Variants in RASGRP4 observed in about 807,000 individuals in gnomAD.
RASGRP4 encodes RAS guanyl-releasing protein 4.
Under a neutral mutation model 84.4 loss-of-function variants are expected in RASGRP4, and 52 were observed. The observed-to-expected ratio is 0.62, with a 90% CI of 0.49 to 0.78. RASGRP4 has a LOEUF of 0.78. Ranked by LOEUF, RASGRP4 falls within the 30% of genes least tolerant of loss-of-function variation. The pLI is 0.00. For missense variants in RASGRP4, 760 were observed against 886.9 expected (o/e 0.86, Z 1.82); for synonymous variants, 356 against 359.1 (o/e 0.99, Z 0.10).
chr19:38,423,453 G>A (rs113612948), intron 1 of RASGRP4, among the ~76,000 whole-genome samples: 1,573 of 152,148 alleles, frequency 0.01, 26 homozygotes, highest in African/African-American at 0.035. Flanking sequence ...TTGAACCCAG[G>A]AGGTGGAGGC....
chr19:38,411,161 G>T lies in RASGRP4; in HGVS notation c.1806C>A (p.Pro602=), dbSNP rs908122695. ...GTGTGGATGGGACAGGAGCTCCGGG[G>T]GGTCCTGCATCGCCCTTGGCCCCTG... The part of the protein sequence containing the change: ...KRPGAKGDAG[P]PGAPVPSTPA... The change falls in exon 15 of 17, where the codon CCC becomes CCA. Residue 602 remains proline, a synonymous_variant. Coordinates refer to ENST00000615439, the MANE Select transcript of RASGRP4 (RefSeq NM_170604.3). 5.0e-6 allele frequency: 8 copies of T among 1,613,802 alleles called. No homozygotes were observed. Among genetic ancestry groups the T allele is most frequent in the Non-Finnish European group, 6.8e-6 (8 of 1,179,898 alleles).
At chr19:38,420,381 G>A (rs1408847911) in intron 4 of RASGRP4, 119 bp from the exon 5 acceptor site, 7 of 1,134,366 alleles carry the variant, frequency 6.2e-6, no homozygotes, top group Non-Finnish European at 8.5e-6. Context: ...TGTGTGTGGG[G>A]GTCCCTGGAG....
At chr19:38,410,472 G>A (rs1568405446) in intron 16 of RASGRP4, among the ~76,000 whole-genome samples, 2 of 150,296 alleles carry the variant, frequency 1.3e-5, no homozygotes, top group Non-Finnish European at 2.9e-5. Flanking sequence ...GTGTGCAGTG[G>A]CACAATCTCA....
chr19:38,414,398 C>T (rs1971407177), intron 9 of RASGRP4, among the ~76,000 whole-genome samples: 1 of 151,554 alleles, frequency 6.6e-6, no homozygotes, highest in South Asian at 2.1e-4. Flanking sequence ...GCAATCTCAG[C>T]TCACTGCAAC....
Position 38,418,462 on chromosome 19 carries a change from C to T in RASGRP4, c.766G>A (p.Val256Met), listed in dbSNP as rs1193978893. The T allele has an allele frequency of 6.3e-7, 1 of 1,597,260 alleles. No homozygotes were observed. The highest frequency in any genetic ancestry group is 2.3e-5 in the East Asian group (1 of 44,154). ...LSNSVSRWVQ[V>M]MVLSRPGPLQ... ...GGCCCGGGACGGCTCAGCACCATCA[C>T]CTGCACCCAGCGGGACACGCTGTTG... Residue 256 changes from valine (V) to methionine (M), a missense_variant, in exon 7 of 17, where the codon GTG becomes ATG. Transcript: ENST00000615439. This position sits in a 1 kb window ranked among gnomAD's most constrained non-coding sequence, Gnocchi z 4.6.
chr19:38,421,333 A>G, intron 2 of RASGRP4, 133 bp from the exon 3 acceptor site: 1 of 660,166 alleles, frequency 1.5e-6, no homozygotes, highest in Admixed American at 2.4e-5. Flanking sequence ...TTGGACAGGC[A>G]ACCTAACCTC....
rs377309714 is a variant in RASGRP4, at chr19:38,420,281, T to C, written c.378-19A>G. Reference sequence around the variant, plus strand: ...CCAGTACCTGAGAGTGGTTTGGAGATGGTGAGATGAGGCCGGGGGTGGCGA... The same window carrying C: ...CCAGTACCTGAGAGTGGTTTGGAGACGGTGAGATGAGGCCGGGGGTGGCGA... On this transcript the variant is annotated intron_variant, in intron 4 of 16. Transcript: ENST00000615439. 30 of 1,610,936 alleles carry C rather than the reference T, an allele frequency of 1.9e-5. No individual in the cohort carries two copies. In the African/African-American group the frequency reaches 3.6e-4, roughly 19 times the overall value.
At position 38,413,293 on chromosome 19, in the gene RASGRP4, G is replaced by A. The variant is rs779226326; in HGVS notation, c.1316C>T (p.Pro439Leu). The A allele has an allele frequency of 6.2e-7, 1 of 1,613,482 alleles. No homozygotes were observed. The highest frequency in any genetic ancestry group is 8.5e-7 in the Non-Finnish European group (1 of 1,179,590). ...REPRCPKSLP[P>L]SPFNAPLVVE... is the part of the protein sequence containing the mutation. ...CACCAGAGGTGCATTGAAGGGGGAG[G>A]GTGGCTGGGGCGGGGACAGAGGAGC... The change falls in exon 11 of 17, where the codon CCC (proline) becomes CTC (leucine). Residue 439 changes from proline to leucine, a missense_variant. Transcript: ENST00000615439. This position sits in a 1 kb window ranked among gnomAD's most constrained non-coding sequence, Gnocchi z 4.7.
intron 1 of RASGRP4, among the ~76,000 whole-genome samples, chr19:38,425,710 C>T (rs868097200): frequency 6.6e-6 from 1 of 152,198 alleles, no homozygotes; most frequent in South Asian, 2.1e-4. Context: ...CCACACTCCC[C>T]TCTCCTGGGC....
chr19:38,421,552 A>G (rs562803776), intron 2 of RASGRP4, among the ~76,000 whole-genome samples: 10 of 151,984 alleles, frequency 6.6e-5, no homozygotes, highest in Non-Finnish European at 1.3e-4. Flanking sequence ...TTTCTACTAA[A>G]AACACAAAAA....
At chr19:38,424,483 A>G (rs1435108461) in intron 1 of RASGRP4, among the ~76,000 whole-genome samples, 1 of 151,952 alleles carries the variant, frequency 6.6e-6, no homozygotes. Flanking sequence ...ACAGTTGTGC[A>G]ATCAAAGCTC....
intron 1 of RASGRP4, among the ~76,000 whole-genome samples, chr19:38,425,009 C>T (rs1167991830): frequency 1.3e-5 from 2 of 151,940 alleles, no homozygotes; most frequent in Non-Finnish European, 2.9e-5. Flanking sequence ...CATGGTGAAA[C>T]CCCATCTCTA....
At chr19:38,420,870 CG>C (rs1568414312) in intron 4 of RASGRP4, 37 bp downstream of exon 4, 1 of 1,593,054 alleles carries the variant, frequency 6.3e-7, no homozygotes. Context: ...GGATGGAAGT[CG>C]TGGGTCCTGA....
chr19:38,410,463 T>G (rs376867350), intron 16 of RASGRP4, among the ~76,000 whole-genome samples: 2 of 150,824 alleles, frequency 1.3e-5, no homozygotes, highest in Admixed American at 1.3e-4. Context: ...CCTAGGCTGG[T>G]GTGCAGTGGC....
rs748550730 is a variant in RASGRP4, at chr19:38,421,051, C to G, written c.314+44G>C. On this transcript the variant is annotated intron_variant, in intron 3 of 16. Coordinates refer to ENST00000615439, the MANE Select transcript of RASGRP4 (RefSeq NM_170604.3). ...TCCCATTGCCCAGGTTCTCACGACT[C>G]TGCCCTCTGCCCTCCACCCATAGCT... 4.4e-6 allele frequency: 7 copies of G among 1,604,902 alleles called. No individual in the cohort carries two copies. In the African/African-American group the frequency reaches 9.4e-5, roughly 21 times the overall value.
chr19:38,409,972 G>C lies in RASGRP4; in HGVS notation c.*68C>G, dbSNP rs1971153024. On this transcript the variant is annotated 3_prime_UTR_variant, in exon 17 of 17. Transcript: ENST00000615439. ...AGGCCTACCTCTGGGAGCCCTGCCA[G>C]AGTCTGACGGCAGGACTCAGGACTG... The C allele has an allele frequency of 2.3e-6, 3 of 1,328,088 alleles. No homozygotes were observed. Among genetic ancestry groups the C allele is most frequent in the South Asian group, 1.3e-5 (1 of 76,682 alleles). The allele number at this position is 1,328,088 out of a possible 1,614,324, so 82.3% of individuals were successfully genotyped here.
chr19:38,410,099 G>C lies in RASGRP4; in HGVS notation c.1966-3C>G. On this transcript the variant is annotated splice_polypyrimidine_tract_variant and splice_region_variant and intron_variant, in intron 16 of 16. Coordinates refer to ENST00000615439, the MANE Select transcript of RASGRP4 (RefSeq NM_170604.3). ...GGGTCCATCACCGGGCAGGGGACCT[G>C]GAAGGAGGAAGGGAGGAAGAAAGAT... 6.2e-7 allele frequency: 1 copy of C among 1,610,662 alleles called. No homozygotes were observed.
At position 38,420,138 on chromosome 19, in the gene RASGRP4, AAG is replaced by A; in HGVS notation, c.500_501del (p.Ser167PhefsTer2). ...GNSAQRRLGD[S>X]SDLLSPGGPG... ...AGCACAGGGCTGACTCACAGGTCAG[AAG>A]AGTCTCCCAGTCTTCTCTGGGCTGA... On this transcript the variant is annotated frameshift_variant, in exon 5 of 17. Transcript: ENST00000615439. LOFTEE classifies it high-confidence loss of function. 6.2e-7 allele frequency: 1 copy of A among 1,612,980 alleles called. No homozygotes were observed. Among genetic ancestry groups the A allele is most frequent in the Non-Finnish European group, 8.5e-7 (1 of 1,179,422 alleles).
Position 38,421,104 on chromosome 19 carries a change from A to G in RASGRP4, c.305T>C (p.Leu102Pro). ...VLPSADLAAR[L>P]LTSYQKATGD... is the part of the protein sequence containing the mutation. ...CAGTCCTGGAGGATATGAGGTCAGC[A>G]GGCGGGCAGCCAGGTCGGCGGACGG... is the stretch of plus-strand genomic sequence containing the variant. Residue 102 changes from leucine (L) to proline (P), a missense_variant, in exon 3 of 17, where the codon CTG (leucine) becomes CCG (proline). Leu to Pro is a moderately conservative substitution (Grantham distance 98). Coordinates refer to ENST00000615439, the MANE Select transcript of RASGRP4 (RefSeq NM_170604.3). 1.2e-6 allele frequency: 2 copies of G among 1,613,636 alleles called. No homozygotes were observed. Among genetic ancestry groups the G allele is most frequent in the Non-Finnish European group, 1.7e-6 (2 of 1,179,604 alleles).
Sources: allele counts gnomAD v4.1 joint callset (sites outside exome capture counted in the v4.1 genomes callset), GRCh38; gene constraint gnomAD v4.1.1; non-coding constraint Gnocchi (gnomAD v3.1); transcripts MANE v1.5; gene names NCBI Gene and HGNC (gene_info 2026-07-23, HGNC 2026-07-21).